Variants in SLC24A3 observed in about 807,000 individuals in gnomAD.
SLC24A3 encodes the protein sodium/potassium/calcium exchanger 3.
SLC24A3 carries 28 observed loss-of-function variants against 75.8 expected under a neutral mutation model. That is an observed-to-expected ratio of 0.37 (90% CI 0.27 to 0.51). SLC24A3 has a LOEUF of 0.51. Ranked by LOEUF, SLC24A3 falls within the 20% of genes least tolerant of loss-of-function variation. SLC24A3 has a pLI of 0.94. For synonymous variants in SLC24A3, 372 were observed against 334.1 expected, an observed-to-expected ratio of 1.11 and a Z score of -1.24; for missense variants, 663 against 847.8, an observed-to-expected ratio of 0.78 and a Z score of 2.71.
At chr20:19,262,309 G>A (rs1443611731) in intron 1 of SLC24A3, among the ~76,000 whole-genome samples, 1 of 151,060 alleles carries the variant, frequency 6.6e-6, no homozygotes, top group East Asian at 2.0e-4. Context: ...GGAGGCTGAG[G>A]CAGGAGAATG....
At chr20:19,475,417 T>A (rs1192024004) in intron 2 of SLC24A3, among the ~76,000 whole-genome samples, 1 of 151,766 alleles carries the variant, frequency 6.6e-6, no homozygotes, top group Admixed American at 6.6e-5. Context: ...AAGGGCCCAA[T>A]GGATGGCTAT....
intron 3 of SLC24A3, among the ~76,000 whole-genome samples, chr20:19,576,005 G>A (rs1271067660): frequency 6.6e-6 from 1 of 152,036 alleles, no homozygotes; most frequent in Non-Finnish European, 1.5e-5. Flanking sequence ...GGAGTCCTGG[G>A]GTCAAATTTA....
At chr20:19,706,397 A>G (rs1237760784) in intron 15 of SLC24A3, among the ~76,000 whole-genome samples, 1 of 152,158 alleles carries the variant, frequency 6.6e-6, no homozygotes, top group East Asian at 1.9e-4. Flanking sequence ...AAGTTTAGGT[A>G]GTGTGTGGCA....
At chr20:19,704,030 C>T (rs1320732894) in intron 15 of SLC24A3, among the ~76,000 whole-genome samples, 3 of 152,146 alleles carry the variant, frequency 2.0e-5, no homozygotes, top group African/African-American at 7.2e-5. Flanking sequence ...TCTGAGTCTC[C>T]CCCTGGAGAA....
intron 6 of SLC24A3, among the ~76,000 whole-genome samples, chr20:19,647,149 C>G (rs528425662): frequency 6.6e-6 from 1 of 152,232 alleles, no homozygotes; most frequent in South Asian, 2.1e-4. Flanking sequence ...CCAGCTCCCT[C>G]TCCTCTCAGA....
At chr20:19,241,897 G>T (rs893942251) in intron 1 of SLC24A3, among the ~76,000 whole-genome samples, 1 of 152,194 alleles carries the variant, frequency 6.6e-6, no homozygotes, top group African/African-American at 2.4e-5. Flanking sequence ...AGGGTGCTGA[G>T]AAATGAATGT....
chr20:19,248,710 C>T (rs1421647954), intron 1 of SLC24A3, among the ~76,000 whole-genome samples: 1 of 152,048 alleles, frequency 6.6e-6, no homozygotes, highest in Admixed American at 6.6e-5. Context: ...ATGCCTGTTG[C>T]AGCACTATTC....
At chr20:19,459,236 C>A (rs1430552856) in intron 2 of SLC24A3, among the ~76,000 whole-genome samples, 1 of 152,178 alleles carries the variant, frequency 6.6e-6, no homozygotes, top group African/African-American at 2.4e-5. Flanking sequence ...TTTAGCATAA[C>A]CCTAAACATG....
intron 2 of SLC24A3, among the ~76,000 whole-genome samples, chr20:19,396,316 G>T (rs539309341): frequency 6.6e-6 from 1 of 152,212 alleles, no homozygotes; most frequent in Non-Finnish European, 1.5e-5. Flanking sequence ...TTTTCTAATA[G>T]CTACATTAAA....
chr20:19,358,462 A>G (rs1028563788), intron 2 of SLC24A3, among the ~76,000 whole-genome samples: 1 of 152,146 alleles, frequency 6.6e-6, no homozygotes, highest in African/African-American at 2.4e-5. Flanking sequence ...AACCCTGACC[A>G]AGTCATTAAC....
chr20:19,721,432 T>A lies in SLC24A3; in HGVS notation c.*292T>A, dbSNP rs565124784. The A allele has an allele frequency of 2.9e-6, 1 of 345,770 alleles. No homozygotes were observed. The highest frequency in any genetic ancestry group is 5.8e-5 in the South Asian group (1 of 17,144). 21.4% of individuals were successfully genotyped at this position (345,770 alleles called of 1,614,324 possible). A position where few individuals can be genotyped will look rare whatever the true frequency, so the allele number is the denominator to read the frequency against. ...ACAGTGACTGAGATTCTAGAAAAACTGGCTGCTAACTGGCCTGAGCCAGGC... is the reference window on the plus strand; with the variant it reads ...ACAGTGACTGAGATTCTAGAAAAACAGGCTGCTAACTGGCCTGAGCCAGGC... On this transcript the variant is annotated 3_prime_UTR_variant, in exon 17 of 17. Coordinates refer to ENST00000328041, the MANE Select transcript of SLC24A3 (RefSeq NM_020689.4).
chr20:19,349,776 T>C (rs906114040), intron 2 of SLC24A3, among the ~76,000 whole-genome samples: 100 of 152,226 alleles, frequency 6.6e-4, no homozygotes, highest in African/African-American at 2.3e-3. Flanking sequence ...TGTCTTAAGC[T>C]CTACTTCTGA....
intron 3 of SLC24A3, among the ~76,000 whole-genome samples, chr20:19,519,382 G>A (rs1363223245): frequency 6.6e-6 from 1 of 152,190 alleles, no homozygotes; most frequent in Non-Finnish European, 1.5e-5. Flanking sequence ...TGTTTTGTGT[G>A]TGGCTTTGAA....
intron 2 of SLC24A3, among the ~76,000 whole-genome samples, chr20:19,497,925 G>A (rs1988320201): frequency 6.6e-6 from 1 of 152,166 alleles, no homozygotes; most frequent in African/African-American, 2.4e-5. Context: ...TAGGAACTGG[G>A]CCACATAGCA....
intron 1 of SLC24A3, among the ~76,000 whole-genome samples, chr20:19,280,141 A>G (rs777334644): frequency 7.9e-5 from 12 of 152,034 alleles, no homozygotes; most frequent in East Asian, 1.9e-4. Flanking sequence ...CATGCCCCAA[A>G]CAGAATGCAC....
intron 3 of SLC24A3, among the ~76,000 whole-genome samples, chr20:19,568,595 C>A (rs1171587060): frequency 1.3e-5 from 2 of 151,984 alleles, no homozygotes; most frequent in Non-Finnish European, 2.9e-5. Context: ...TTACCAGAGA[C>A]TAAGGAGAAG....
At chr20:19,258,195 TG>T (rs1381538109) in intron 1 of SLC24A3, among the ~76,000 whole-genome samples, 3 of 152,234 alleles carry the variant, frequency 2.0e-5, no homozygotes, top group Non-Finnish European at 4.4e-5. Context: ...TGCAAGCTCC[TG>T]GAGGCGGGCA....
chr20:19,453,549 G>A (rs1488374102), intron 2 of SLC24A3, among the ~76,000 whole-genome samples: 1 of 152,216 alleles, frequency 6.6e-6, no homozygotes, highest in Non-Finnish European at 1.5e-5. Flanking sequence ...CTGGCCTCAG[G>A]AGGAAATTTG....
In SLC24A3 at chr20:19,281,062, G is replaced by A; in HGVS notation, c.246G>A (p.Arg82=). Residue 82 remains arginine, a synonymous_variant, in exon 2 of 17, where the codon CGG becomes CGA. Transcript: ENST00000328041. ...DTLTSEDAGL[R]NSKNCTEPAL... ...TGACTTCCGAAGATGCCGGACTCCG[G>A]AACAGCAAGAACTGCACCGAACCAG... 6.2e-7 allele frequency: 1 copy of A among 1,614,178 alleles called. No homozygotes were observed. Among genetic ancestry groups the A allele is most frequent in the Non-Finnish European group, 8.5e-7 (1 of 1,180,022 alleles).
Sources: allele counts gnomAD v4.1 joint callset (sites outside exome capture counted in the v4.1 genomes callset), GRCh38; gene constraint gnomAD v4.1.1; transcripts MANE v1.5; gene names NCBI Gene and HGNC (gene_info 2026-07-23, HGNC 2026-07-21).